Variants in P3H2 observed in about 807,000 individuals in gnomAD.
The protein encoded by P3H2 is prolyl 3-hydroxylase 2, also known as leprecan-like 1.
Under a neutral mutation model 87.0 loss-of-function variants are expected in P3H2, and 80 were observed. That is an observed-to-expected ratio of 0.92 (90% CI 0.77 to 1.11). P3H2 has a LOEUF of 1.11. Ranked by LOEUF, P3H2 falls within the 50% of genes least tolerant of loss-of-function variation. P3H2 has a pLI of 0.00. For synonymous variants in P3H2, 367 were observed against 359.3 expected, an observed-to-expected ratio of 1.02 and a Z score of -0.24; for missense variants, 1,001 against 923.9, an observed-to-expected ratio of 1.08 and a Z score of -1.08.
intron 1 of P3H2, among the ~76,000 whole-genome samples, chr3:190,053,159 C>T (rs188312284): frequency 2.6e-5 from 4 of 152,062 alleles, no homozygotes; most frequent in Admixed American, 2.0e-4. Flanking sequence ...TGTTGAGGGC[C>T]GCTTGTTTCC....
intron 1 of P3H2, among the ~76,000 whole-genome samples, chr3:190,036,638 C>A (rs891465523): frequency 1.3e-5 from 2 of 152,142 alleles, no homozygotes; most frequent in Non-Finnish European, 2.9e-5. Flanking sequence ...AATGTCAAAT[C>A]ACATTCATTT....
chr3:189,985,113 C>T (rs1392141443), intron 6 of P3H2, among the ~76,000 whole-genome samples: 1 of 151,328 alleles, frequency 6.6e-6, no homozygotes, highest in Non-Finnish European at 1.5e-5. Context: ...TAAAATTAAC[C>T]CATTTTAAAA....
At chr3:190,061,253 T>C (rs1185386566) in intron 1 of P3H2, among the ~76,000 whole-genome samples, 2 of 152,128 alleles carry the variant, frequency 1.3e-5, no homozygotes, top group South Asian at 2.1e-4. Flanking sequence ...TAGGAGAGCA[T>C]TTAAATACCG....
intron 1 of P3H2, among the ~76,000 whole-genome samples, chr3:190,058,060 A>AAAAAT (rs372258367): frequency 6.6e-6 from 1 of 152,174 alleles, no homozygotes; most frequent in Non-Finnish European, 1.5e-5. Flanking sequence ...CCCAACACCA[A>AAAAAT]AAAATAAAAT....
intron 1 of P3H2, among the ~76,000 whole-genome samples, chr3:190,035,518 C>G (rs1725391975): frequency 6.6e-6 from 1 of 151,806 alleles, no homozygotes; most frequent in African/African-American, 2.4e-5. Flanking sequence ...TCTTGTAAAC[C>G]CTTGAATAAA....
At chr3:190,009,243 A>T (rs147236004) in intron 1 of P3H2, among the ~76,000 whole-genome samples, 18 of 152,342 alleles carry the variant, frequency 1.2e-4, no homozygotes, top group African/African-American at 4.3e-4. Flanking sequence ...AGTTAAGCAC[A>T]TATTAGGTTT....
At chr3:189,998,598 T>C (rs1260681544) in intron 1 of P3H2, among the ~76,000 whole-genome samples, 1 of 152,206 alleles carries the variant, frequency 6.6e-6, no homozygotes, top group Non-Finnish European at 1.5e-5. Flanking sequence ...GAGCTTTCTG[T>C]GGACATGGAT....
At position 190,095,613 on chromosome 3, in the gene P3H2, T is replaced by C. The variant is rs557869935; in HGVS notation, c.480+24639A>G. Among the ~76,000 whole-genome samples, 5 of 146,750 alleles carry C rather than the reference T, an allele frequency of 3.4e-5. 1 individual carries two copies. The highest frequency in any genetic ancestry group is 7.5e-5 in the African/African-American group (3 of 39,758). ...TTGTGATTCCTTTTTTTTTTTTTTTTCCTTTAAAACGGAGTCTCGCTCTGT... is the reference window on the plus strand; with the variant it reads ...TTGTGATTCCTTTTTTTTTTTTTTTCCCTTTAAAACGGAGTCTCGCTCTGT... On this transcript the variant is annotated intron_variant, in intron 1 of 14. Coordinates refer to ENST00000319332, the MANE Select transcript of P3H2 (RefSeq NM_018192.4).
At chr3:189,979,732 C>T (rs143085172) in intron 8 of P3H2, among the ~76,000 whole-genome samples, 27 of 151,916 alleles carry the variant, frequency 1.8e-4, no homozygotes, top group African/African-American at 6.0e-4. Flanking sequence ...GAGCCCAAGG[C>T]GGGTGGATCA....
At chr3:190,087,675 G>C (rs1727274149) in intron 1 of P3H2, among the ~76,000 whole-genome samples, 1 of 151,830 alleles carries the variant, frequency 6.6e-6, no homozygotes, top group African/African-American at 2.4e-5. Context: ...TCTAAATTCA[G>C]ATCTATAAAA....
chr3:189,958,108 A>T, intron 14 of P3H2, 104 bp from the exon 15 acceptor site: 1 of 813,214 alleles, frequency 1.2e-6, no homozygotes, highest in Non-Finnish European at 2.2e-6. Context: ...ACATGGGTTG[A>T]TGCTATATCC....
intron 1 of P3H2, among the ~76,000 whole-genome samples, chr3:190,033,242 C>A (rs1725314060): frequency 6.6e-6 from 1 of 152,200 alleles, no homozygotes; most frequent in Admixed American, 6.5e-5. Context: ...TGCTGTGTGG[C>A]CCAGTTCCTA....
chr3:190,093,197 C>A (rs1043270061), intron 1 of P3H2, among the ~76,000 whole-genome samples: 16 of 152,300 alleles, frequency 1.1e-4, no homozygotes, highest in Non-Finnish European at 1.8e-4. Flanking sequence ...TGTGATCATG[C>A]AGTGCGAATA....
intron 1 of P3H2, among the ~76,000 whole-genome samples, chr3:190,053,456 T>G (rs1449691180): frequency 1.3e-5 from 2 of 150,848 alleles, no homozygotes; most frequent in African/African-American, 2.4e-5. Context: ...AGTGGTTTTT[T>G]TTTTTTTTTT....
intron 8 of P3H2, among the ~76,000 whole-genome samples, chr3:189,981,693 T>C (rs1723539202): frequency 6.6e-6 from 1 of 152,190 alleles, no homozygotes; most frequent in African/African-American, 2.4e-5. Flanking sequence ...GATTCCCTGG[T>C]AGCCAGGGGA....
intron 13 of P3H2, among the ~76,000 whole-genome samples, chr3:189,970,578 T>C (rs1394975431): frequency 1.3e-5 from 2 of 151,980 alleles, no homozygotes; most frequent in Admixed American, 6.6e-5. Context: ...TAACTAGCTA[T>C]ATGATCATGA....
chr3:190,024,230 A>C (rs1725017098), intron 1 of P3H2, among the ~76,000 whole-genome samples: 1 of 152,146 alleles, frequency 6.6e-6, no homozygotes, highest in Non-Finnish European at 1.5e-5. Flanking sequence ...ATAATATGTA[A>C]ATCTTACTAT....
chr3:190,038,727 T>C (rs536802946), intron 1 of P3H2, among the ~76,000 whole-genome samples: 6 of 152,314 alleles, frequency 3.9e-5, no homozygotes, highest in South Asian at 2.1e-4. Context: ...GCCAGAAATA[T>C]ACCTTATAGT....
intron 1 of P3H2, among the ~76,000 whole-genome samples, chr3:190,067,403 TG>T (rs1283330649): frequency 7.2e-5 from 11 of 152,176 alleles, no homozygotes; most frequent in African/African-American, 2.4e-4. Flanking sequence ...AATCCTTGCA[TG>T]ACCTCCATAC....
Sources: gnomAD v4.1 joint callset for allele counts (sites outside exome capture counted in the v4.1 genomes callset) on GRCh38, gnomAD v4.1.1 for gene constraint, MANE v1.5 for transcripts, NCBI Gene and HGNC (gene_info 2026-07-23, HGNC 2026-07-21) for gene names.